UTRN: variants seen among roughly 807,000 people sequenced by gnomAD.
UTRN encodes dystrophin-related protein 1.
In UTRN, 283 loss-of-function variants were observed where a neutral mutation model predicts 463.9. The observed-to-expected ratio is 0.61, with a 90% CI of 0.55 to 0.67. The LOEUF (loss-of-function observed/expected upper bound fraction) is 0.67. Among genes scored for constraint, UTRN ranks in the 30% least tolerant of loss-of-function variants. The pLI, the probability that UTRN is intolerant of heterozygous loss-of-function variation, is 0.00. For missense variants in UTRN, 3,922 were observed against 4,084.3 expected (o/e 0.96, Z 1.08); for synonymous variants, 1,442 against 1,431.5 (o/e 1.01, Z -0.17).
intron 51 of UTRN, among the ~76,000 whole-genome samples, chr6:144,599,717 TA>T (rs1193045037): frequency 6.6e-6 from 1 of 152,198 alleles, no homozygotes; most frequent in Non-Finnish European, 1.5e-5. Context: ...AAATAAAACT[TA>T]CCAGTTAACC....
intron 2 of UTRN, among the ~76,000 whole-genome samples, chr6:144,294,244 A>T (rs1804493401): frequency 6.6e-6 from 1 of 152,298 alleles, no homozygotes; most frequent in East Asian, 1.9e-4. Context: ...CATAGCTCAG[A>T]TATGAATCAC....
chr6:144,377,387 A>G (rs1780559622), intron 2 of UTRN, among the ~76,000 whole-genome samples: 1 of 152,190 alleles, frequency 6.6e-6, no homozygotes, highest in Non-Finnish European at 1.5e-5. Flanking sequence ...TGTGCTTGTT[A>G]CAGAGTTGAG....
intron 2 of UTRN, among the ~76,000 whole-genome samples, chr6:144,303,575 A>G (rs907288035): frequency 5.3e-5 from 8 of 152,200 alleles, no homozygotes; most frequent in African/African-American, 1.9e-4. Context: ...TGGTCAGTTT[A>G]TATGGGGAAC....
At chr6:144,766,518 A>G (rs1348395803) in intron 58 of UTRN, among the ~76,000 whole-genome samples, 2 of 151,774 alleles carry the variant, frequency 1.3e-5, no homozygotes, top group Non-Finnish European at 2.9e-5. Context: ...CCACCTTCTA[A>G]TACACTGTAT....
intron 2 of UTRN, among the ~76,000 whole-genome samples, chr6:144,364,805 GC>G (rs1779371237): frequency 6.6e-6 from 1 of 152,142 alleles, no homozygotes; most frequent in Non-Finnish European, 1.5e-5. Flanking sequence ...GCCTCCACAG[GC>G]TGCCCATGTT....
intron 50 of UTRN, among the ~76,000 whole-genome samples, chr6:144,564,871 G>A (rs923653413): frequency 3.9e-5 from 6 of 152,180 alleles, no homozygotes; most frequent in African/African-American, 1.4e-4. Flanking sequence ...ACATGGGAAG[G>A]AGTTTGGATA....
rs773260223 is a variant in UTRN, at chr6:144,429,734, A to G, written c.848A>G (p.Asn283Ser). 2 of 1,611,372 alleles carry G rather than the reference A, an allele frequency of 1.2e-6. No individual in the cohort carries two copies. The highest frequency in any genetic ancestry group is 1.7e-6 in the Non-Finnish European group (2 of 1,178,952). Residue 283 changes from asparagine to serine, a missense_variant, in exon 9 of 75, where the codon AAT becomes AGT. This residue lies in a region of UTRN where 2,349 missense variants were observed against 2,303.8 expected (regional missense o/e 1.02). Coordinates refer to ENST00000367545, the MANE Select transcript of UTRN (RefSeq NM_007124.3). ...AAAGAATGTGAAGAAGAGGCAATTA[A>G]TATACAGGTACAGGTAACATTTTAT... ...YKKECEEEAI[N>S]IQSTAPEEEH...
chr6:144,770,629 A>C (rs1793905938), intron 58 of UTRN, among the ~76,000 whole-genome samples: 2 of 151,892 alleles, frequency 1.3e-5, no homozygotes, highest in African/African-American at 4.8e-5. Context: ...AAGAAACTTA[A>C]TTGAAGCATT....
At chr6:144,495,350 C>T (rs916784832) in intron 33 of UTRN, among the ~76,000 whole-genome samples, 1 of 152,252 alleles carries the variant, frequency 6.6e-6, no homozygotes, top group Admixed American at 6.5e-5. Flanking sequence ...TGGGCTGGCA[C>T]TGCTGGGGGA....
In UTRN at chr6:144,473,698, C is replaced by G. The variant is rs759567524; in HGVS notation, c.3067-22C>G. 5.0e-6 allele frequency: 8 copies of G among 1,599,816 alleles called. No individual in the cohort carries two copies. The South Asian group carries it at 7.7e-5, about 15-fold the overall frequency. On this transcript the variant is annotated intron_variant, in intron 23 of 74. Coordinates refer to ENST00000367545, the MANE Select transcript of UTRN (RefSeq NM_007124.3). ...CTGAACGTCACGAAGTAATATCCCC[C>G]TCTGTTATCATGTTCGATTAGGCCG...
At chr6:144,581,156 A>T (rs1469234488) in intron 51 of UTRN, among the ~76,000 whole-genome samples, 1 of 152,214 alleles carries the variant, frequency 6.6e-6, no homozygotes. Context: ...TGCAGTTGTC[A>T]CTGTGAATCT....
chr6:144,723,688 T>C (rs1016764033), intron 53 of UTRN, among the ~76,000 whole-genome samples: 5 of 151,960 alleles, frequency 3.3e-5, no homozygotes, highest in Non-Finnish European at 7.4e-5. Context: ...TGCATATGCA[T>C]TGGGGATAAA....
rs567087824 is a variant in UTRN, at chr6:144,426,271, G to A, written c.406-16G>A. 3 of 1,607,720 alleles carry A rather than the reference G, an allele frequency of 1.9e-6. No individual in the cohort carries two copies. Among genetic ancestry groups the A allele is most frequent in the Non-Finnish European group, 2.5e-6 (3 of 1,176,770 alleles). ...TGAAGTATTAGTTATGGACAGGCCT[G>A]GTTTCTCTTACATAGGTGAAAGATG... On this transcript the variant is annotated splice_polypyrimidine_tract_variant and intron_variant, in intron 6 of 74. Transcript: ENST00000367545.
At chr6:144,641,664 G>A (rs546274417) in intron 51 of UTRN, among the ~76,000 whole-genome samples, 5 of 152,194 alleles carry the variant, frequency 3.3e-5, no homozygotes, top group African/African-American at 9.6e-5. Flanking sequence ...ATGATTCCTT[G>A]GCCCTAAGGT....
At chr6:144,402,438 C>A (rs1335010949) in intron 2 of UTRN, among the ~76,000 whole-genome samples, 1 of 152,160 alleles carries the variant, frequency 6.6e-6, no homozygotes, top group Non-Finnish European at 1.5e-5. Flanking sequence ...ACCCATATTT[C>A]AAAAGTTCAG....
intron 6 of UTRN, among the ~76,000 whole-genome samples, 162 bp downstream of exon 6, chr6:144,424,240 T>C (rs1013740024): frequency 3.9e-5 from 6 of 152,202 alleles, no homozygotes; most frequent in African/African-American, 1.4e-4. Context: ...GATCAAGGCA[T>C]CAGCAGGGTT....
chr6:144,709,232 A>G (rs1262667727), intron 53 of UTRN, among the ~76,000 whole-genome samples: 1 of 152,220 alleles, frequency 6.6e-6, no homozygotes, highest in Non-Finnish European at 1.5e-5. Flanking sequence ...CTTTTCAATT[A>G]TAACATTATG....
intron 53 of UTRN, among the ~76,000 whole-genome samples, chr6:144,713,785 C>T (rs1215569388): frequency 2.2e-5 from 3 of 138,596 alleles, no homozygotes; most frequent in Admixed American, 7.2e-5. Flanking sequence ...TCAGGCATAG[C>T]GGCACATGCC....
chr6:144,526,738 A>G (rs1294687757), intron 41 of UTRN, among the ~76,000 whole-genome samples: 3 of 145,742 alleles, frequency 2.1e-5, no homozygotes, highest in African/African-American at 5.0e-5. Context: ...TGTTGCCTCA[A>G]TACCTTGGTT....
Sources: allele counts gnomAD v4.1 joint callset (sites outside exome capture counted in the v4.1 genomes callset), GRCh38; gene constraint gnomAD v4.1.1; regional missense constraint gnomAD v4.1.1; transcripts MANE v1.5; gene names NCBI Gene and HGNC (gene_info 2026-07-23, HGNC 2026-07-21).